DNAH7: variants seen among roughly 807,000 people sequenced by gnomAD.
The protein encoded by DNAH7 is axonemal beta dynein heavy chain 7.
DNAH7 carries 397 observed loss-of-function variants against 444.6 expected under a neutral mutation model. The ratio of observed to expected loss-of-function variants is 0.89; its 90% CI spans 0.82 to 0.97. DNAH7 has a LOEUF of 0.97. DNAH7 is among the 50% of genes least tolerant of loss of function. The pLI is 0.00. For synonymous variants in DNAH7, 1,636 were observed against 1,624.4 expected (o/e 1.01, Z -0.17); for missense variants, 4,902 against 4,800.8 (o/e 1.02, Z -0.62).
At chr2:195,991,254 C>T (rs957383321) in intron 12 of DNAH7, among the ~76,000 whole-genome samples, 1 of 152,174 alleles carries the variant, frequency 6.6e-6, no homozygotes, top group African/African-American at 2.4e-5. Flanking sequence ...TCTACCAAAT[C>T]ATGTACCCTG....
chr2:195,964,670 G>A (rs1049307989), intron 17 of DNAH7, among the ~76,000 whole-genome samples: 4 of 145,570 alleles, frequency 2.7e-5, no homozygotes, highest in African/African-American at 1.0e-4. Context: ...TTCGAGACCA[G>A]CCTGGCCAAC....
intron 5 of DNAH7, among the ~76,000 whole-genome samples, chr2:196,042,886 G>A (rs910040770): frequency 3.9e-5 from 6 of 152,106 alleles, no homozygotes; most frequent in African/African-American, 1.2e-4. Context: ...ACAAGAAGAC[G>A]TGCATGCAAA....
intron 9 of DNAH7, among the ~76,000 whole-genome samples, chr2:196,014,276 T>C (rs1325933263): frequency 2.0e-5 from 3 of 152,178 alleles, no homozygotes; most frequent in Non-Finnish European, 4.4e-5. Context: ...TCACTATGCA[T>C]TAGCTTCAAT....
At chr2:195,783,729 A>G (rs1443144086) in intron 58 of DNAH7, among the ~76,000 whole-genome samples, 3 of 152,150 alleles carry the variant, frequency 2.0e-5, no homozygotes, top group African/African-American at 7.2e-5. Flanking sequence ...AGTATCTCCT[A>G]AAACCAGCCT....
chr2:196,068,095 C>T (rs1200807651), intron 1 of DNAH7, among the ~76,000 whole-genome samples: 2 of 152,190 alleles, frequency 1.3e-5, no homozygotes, highest in Non-Finnish European at 2.9e-5. Flanking sequence ...TTGCAAAGTG[C>T]ATCTTTTATC....
At chr2:195,846,052 A>G (rs935731515) in intron 46 of DNAH7, among the ~76,000 whole-genome samples, 1 of 152,254 alleles carries the variant, frequency 6.6e-6, no homozygotes, top group African/African-American at 2.4e-5. Flanking sequence ...AAAATAAACT[A>G]TCAGCAGAGT....
At chr2:195,883,449 G>GCCCCCCCCCC (rs1203503298) in intron 35 of DNAH7, among the ~76,000 whole-genome samples, 2 of 135,936 alleles carry the variant, frequency 1.5e-5, no homozygotes, top group Admixed American at 7.0e-5. Context: ...CTCAGTCCCC[G>GCCCCCCCCCC]CTCCCCCCCC....
intron 63 of DNAH7, among the ~76,000 whole-genome samples, chr2:195,744,967 T>C (rs971884985): frequency 3.9e-5 from 6 of 152,194 alleles, no homozygotes; most frequent in African/African-American, 9.7e-5. Flanking sequence ...TCCAAAGGAA[T>C]GCAGTTCCTC....
chr2:195,856,313 G>A (rs901973747), intron 44 of DNAH7, among the ~76,000 whole-genome samples: 10 of 152,146 alleles, frequency 6.6e-5, no homozygotes, highest in African/African-American at 2.4e-4. Context: ...GGTTAAAGGT[G>A]AGTTTTCATG....
At chr2:195,840,325 A>G (rs1398502443) in intron 47 of DNAH7, among the ~76,000 whole-genome samples, 1 of 151,712 alleles carries the variant, frequency 6.6e-6, no homozygotes, top group Non-Finnish European at 1.5e-5. Context: ...GTTAAAAACC[A>G]TCAGCAAACT....
chr2:195,900,578 T>A, intron 27 of DNAH7, 84 bp from the exon 28 acceptor site: 1 of 1,280,036 alleles, frequency 7.8e-7, no homozygotes, highest in Non-Finnish European at 1.1e-6. Flanking sequence ...ACGCTCTCAC[T>A]AATATGTGGA....
At chr2:195,983,080 C>T (rs1318959038) in intron 15 of DNAH7, among the ~76,000 whole-genome samples, 1 of 152,138 alleles carries the variant, frequency 6.6e-6, no homozygotes, top group South Asian at 2.1e-4. Context: ...ATCAAAATAT[C>T]TCATATTCCC....
chr2:195,877,904 A>G (rs1342626744), intron 36 of DNAH7, among the ~76,000 whole-genome samples: 3 of 152,238 alleles, frequency 2.0e-5, no homozygotes, highest in Non-Finnish European at 2.9e-5. Flanking sequence ...ATTGCCAGTT[A>G]GAATAGCAAA....
chr2:196,020,534 C>A (rs1038217519), intron 8 of DNAH7, among the ~76,000 whole-genome samples: 1 of 151,488 alleles, frequency 6.6e-6, no homozygotes, highest in African/African-American at 2.4e-5. Context: ...AAAAGTTGTT[C>A]TCCCTAGAGG....
intron 61 of DNAH7, among the ~76,000 whole-genome samples, chr2:195,769,395 T>C (rs899096114): frequency 2.6e-5 from 4 of 151,760 alleles, no homozygotes; most frequent in African/African-American, 4.8e-5. Flanking sequence ...GTCTGCCATG[T>C]TGGCATCTCA....
intron 12 of DNAH7, chr2:195,994,632 T>C: frequency 2.0e-6 from 1 of 500,776 alleles, no homozygotes; most frequent in Admixed American, 2.4e-5. Flanking sequence ...ACTTGCCAAA[T>C]GTATCTGTAG....
rs138233181 is a variant in DNAH7 at position 195,790,403 on chromosome 2, C to T, written c.10717-3232G>A. On this transcript the variant is annotated intron_variant, in intron 57 of 64. Transcript: ENST00000312428. ...GCAAAAAGAAGAATACCAGAGTCATCGTATTCCCCAACTTTAAATTATATT... is the reference window on the plus strand; with the variant it reads ...GCAAAAAGAAGAATACCAGAGTCATTGTATTCCCCAACTTTAAATTATATT... Among the ~76,000 whole-genome samples the T allele has an allele frequency of 8.6e-5, 13 of 151,144 alleles. 1 individual carries two copies. Among genetic ancestry groups the T allele is most frequent in the East Asian group, 5.8e-4 (3 of 5,146 alleles).
intron 19 of DNAH7, among the ~76,000 whole-genome samples, chr2:195,939,018 T>C (rs1486402070): frequency 2.6e-5 from 4 of 152,170 alleles, no homozygotes; most frequent in African/African-American, 9.7e-5. Context: ...CCTTAGATCA[T>C]CTGCTTAATC....
chr2:196,017,168 C>G (rs1048932945), intron 9 of DNAH7, among the ~76,000 whole-genome samples: 2 of 152,070 alleles, frequency 1.3e-5, no homozygotes, highest in Non-Finnish European at 2.9e-5. Context: ...GCGCCCACCA[C>G]CACACCCAGC....
Sources: allele counts gnomAD v4.1 joint callset (sites outside exome capture counted in the v4.1 genomes callset), GRCh38; gene constraint gnomAD v4.1.1; transcripts MANE v1.5; gene names NCBI Gene and HGNC (gene_info 2026-07-23, HGNC 2026-07-21).